NTHL1: variants seen among roughly 807,000 people sequenced by gnomAD.
NTHL1 encodes endonuclease III-like protein 1.
NTHL1 carries 32 observed loss-of-function variants against 32.3 expected under a neutral mutation model. The ratio of observed to expected loss-of-function variants is 0.99; its 90% CI spans 0.75 to 1.33. NTHL1 has a LOEUF of 1.33. Among genes scored for constraint, NTHL1 ranks in the 40% most tolerant of loss-of-function variants. The pLI is 0.00. For missense variants in NTHL1, 501 were observed against 414.1 expected, an observed-to-expected ratio of 1.21 and a Z score of -1.82; for synonymous variants, 188 against 176.9, an observed-to-expected ratio of 1.06 and a Z score of -0.50.
At position 2,047,813 on chromosome 16, in the gene NTHL1, A is replaced by G. The variant is rs1413587495; in HGVS notation, c.11T>C (p.Leu4Ser). 1 of 1,593,608 alleles carries G rather than the reference A, an allele frequency of 6.3e-7. No homozygotes were observed. Among genetic ancestry groups the G allele is most frequent in the Non-Finnish European group, 8.5e-7 (1 of 1,175,220 alleles). MTALSARMLTRSRS... is the reference protein window; with the variant it reads MTASSARMLTRSRS... The stretch of plus-strand genomic sequence containing the variant: ...GCTCCGGGTCAGCATCCTCGCGCTC[A>G]AGGCGGTCATGCCGGACTCCTGCGG... The change falls in exon 1 of 6, where the codon TTG (leucine) becomes TCG (serine). Residue 4 changes from leucine to serine, a missense_variant. Physicochemically the swap from Leu to Ser is moderately radical, Grantham distance 145. Coordinates refer to ENST00000651570, the MANE Select transcript of NTHL1 (RefSeq NM_002528.7).
Position 2,047,756 on chromosome 16 carries a change from C to T in NTHL1, c.68G>A (p.Gly23Glu), listed in dbSNP as rs749963973. Residue 23 changes from glycine (G) to glutamate (E), a missense_variant, in exon 1 of 6, where the codon GGG becomes GAG. Transcript: ENST00000651570. ...GAGAGGCCCGGGCTCCTCCCTACAC[C>T]CCCGCGGCCCAGCCCCGGGTCCCAG... ...RSLGPGAGPR[G>E]CREEPGPLRR... 1.3e-6 allele frequency: 2 copies of T among 1,586,446 alleles called. No homozygotes were observed. The highest frequency in any genetic ancestry group is 1.7e-6 in the Non-Finnish European group (2 of 1,172,192).
intron 2 of NTHL1, 87 bp downstream of exon 2, chr16:2,046,041 G>A (rs2084354497): frequency 1.9e-6 from 2 of 1,062,632 alleles, no homozygotes; most frequent in Admixed American, 1.8e-5. Context: ...TGCAGGGGAG[G>A]GTGCCAGCCA....
intron 4 of NTHL1, among the ~76,000 whole-genome samples, chr16:2,042,391 G>A (rs1276074631): frequency 6.6e-6 from 1 of 152,196 alleles, no homozygotes; most frequent in East Asian, 1.9e-4. Context: ...ACCTGGCCTG[G>A]CTCTGGCTCT....
rs773364076 is a variant in NTHL1, at chr16:2,046,330, C to A, written c.152G>T (p.Arg51Leu). ...GGCCACACGCAGTCTCTGTGCTTTC[C>A]GCGGACGCTTCACGGGGCTGTGGCT... ...RKSHSPVKRP[R>L]KAQRLRVAYE... The change falls in exon 2 of 6, where the codon CGG becomes CTG. Residue 51 changes from arginine to leucine, a missense_variant. Coordinates refer to ENST00000651570, the MANE Select transcript of NTHL1 (RefSeq NM_002528.7). The A allele has an allele frequency of 6.8e-6, 11 of 1,610,540 alleles. No homozygotes were observed. The highest frequency in any genetic ancestry group is 6.8e-6 in the Non-Finnish European group (8 of 1,178,020).
chr16:2,040,295 C>T, intron 4 of NTHL1, 57 bp from the exon 5 acceptor site: 2 of 1,518,104 alleles, frequency 1.3e-6, no homozygotes, highest in South Asian at 2.2e-5. Context: ...TAGCCCGTGC[C>T]CCTCCCCGCC....
chr16:2,043,306 C>G lies in NTHL1; in HGVS notation c.685+261G>C, dbSNP rs75973744. Among the ~76,000 whole-genome samples, 386 of 152,224 alleles carry G rather than the reference C, an allele frequency of 2.5e-3. 1 individual carries two copies. Among genetic ancestry groups the G allele is most frequent in the African/African-American group, 9.0e-3 (372 of 41,558 alleles). ...GGGGAATTCCTCGCTCCACATTTCT[C>G]CCGAATACAACGCAGATGGAGTCCA... On this transcript the variant is annotated intron_variant, in intron 4 of 5. Coordinates refer to ENST00000651570, the MANE Select transcript of NTHL1 (RefSeq NM_002528.7). The surrounding 1 kb of genome is among the most constrained non-coding windows in gnomAD (Gnocchi z 4.4).
chr16:2,040,086 G>C (rs201822289), intron 5 of NTHL1, 39 bp from the exon 6 acceptor site: 2 of 1,612,250 alleles, frequency 1.2e-6, no homozygotes, highest in South Asian at 1.1e-5. Context: ...GACAGAGGGC[G>C]GGCGGGGTGA....
At chr16:2,041,546 G>A (rs2084268674) in intron 4 of NTHL1, among the ~76,000 whole-genome samples, 1 of 151,708 alleles carries the variant, frequency 6.6e-6, no homozygotes, top group Non-Finnish European at 1.5e-5. Context: ...GGTTTCAAGC[G>A]ATTCTCCTGC....
At position 2,039,983 on chromosome 16, in the gene NTHL1, G is replaced by A. The variant is rs1169243576; in HGVS notation, c.856C>T (p.His286Tyr). ...TTGAGGCAGGCGTGGCAGCGAGGGTGCACAGGCAGACAGGTCTGCTGGCCG... is the reference window on the plus strand; with the variant it reads ...TTGAGGCAGGCGTGGCAGCGAGGGTACACAGGCAGACAGGTCTGCTGGCCG... ...GFGQQTCLPV[H>Y]PRCHACLNQA... The change falls in exon 6 of 6, where the codon CAC becomes TAC. Residue 286 changes from histidine to tyrosine, a missense_variant. Transcript: ENST00000651570. The A allele has an allele frequency of 6.2e-7, 1 of 1,610,038 alleles. No homozygotes were observed. The highest frequency in any genetic ancestry group is 8.5e-7 in the Non-Finnish European group (1 of 1,179,960).
Position 2,044,030 on chromosome 16 carries a change from G to A in NTHL1, c.526-304C>T, listed in dbSNP as rs2084306295. Reference sequence around the variant, plus strand: ...AGGCCAAGCAGGCCAGCCGCTCCCAGGAGTGGGGCTTGGCTGCACCTGCGC... The same window carrying A: ...AGGCCAAGCAGGCCAGCCGCTCCCAAGAGTGGGGCTTGGCTGCACCTGCGC... On this transcript the variant is annotated intron_variant, in intron 3 of 5. Transcript: ENST00000651570. This position sits in a 1 kb window ranked among gnomAD's most constrained non-coding sequence, Gnocchi z 5.0. 1 of 461,888 alleles carries A rather than the reference G, an allele frequency of 2.2e-6. No individual in the cohort carries two copies. The highest frequency in any genetic ancestry group is 3.5e-5 in the Admixed American group (1 of 28,696). 28.6% of individuals were successfully genotyped at this position (461,888 alleles called of 1,614,324 possible).
At position 2,043,400 on chromosome 16, in the gene NTHL1, C is replaced by T. The variant is rs2084295907; in HGVS notation, c.685+167G>A. Reference sequence around the variant, plus strand: ...GCCCATGTGACCTCCTGCCCCAGCACCTGTCTCTGAGTGGGGCTGGCCTGG... The same window carrying T: ...GCCCATGTGACCTCCTGCCCCAGCATCTGTCTCTGAGTGGGGCTGGCCTGG... On this transcript the variant is annotated intron_variant, in intron 4 of 5. Coordinates refer to ENST00000651570, the MANE Select transcript of NTHL1 (RefSeq NM_002528.7). The surrounding 1 kb of genome is among the most constrained non-coding windows in gnomAD (Gnocchi z 4.4). 2 of 898,210 alleles carry T rather than the reference C, an allele frequency of 2.2e-6. No homozygotes were observed. The highest frequency in any genetic ancestry group is 5.3e-5 in the East Asian group (2 of 37,664). 55.6% of individuals were successfully genotyped at this position (898,210 alleles called of 1,614,324 possible).
chr16:2,041,829 T>G (rs1449131225), intron 4 of NTHL1, among the ~76,000 whole-genome samples: 3 of 152,012 alleles, frequency 2.0e-5, no homozygotes, highest in Non-Finnish European at 2.9e-5. Flanking sequence ...TGGATGGTCT[T>G]GATCTCCTGA....
intron 1 of NTHL1, 118 bp downstream of exon 1, chr16:2,047,591 G>C: frequency 1.4e-5 from 20 of 1,421,114 alleles, no homozygotes; most frequent in Non-Finnish European, 1.8e-5. Context: ...AACCGTTCGC[G>C]GCTGCCGGGT....
rs546909056 is a variant in NTHL1 at position 2,044,323 on chromosome 16, G to A, written c.525+307C>T. Among the ~76,000 whole-genome samples, 4 of 152,308 alleles carry A rather than the reference G, an allele frequency of 2.6e-5. No homozygotes were observed. The highest frequency in any genetic ancestry group is 6.5e-5 in the Admixed American group (1 of 15,296). ...TCTGGACAGGAGGGGGTGACACACC[G>A]GGAGAGGCTAGCAGTAAACAAAGGG... On this transcript the variant is annotated intron_variant, in intron 3 of 5. Transcript: ENST00000651570. This position sits in a 1 kb window ranked among gnomAD's most constrained non-coding sequence, Gnocchi z 5.0.
chr16:2,040,623 G>A (rs1387230081), intron 4 of NTHL1, among the ~76,000 whole-genome samples: 1 of 152,190 alleles, frequency 6.6e-6, no homozygotes. Flanking sequence ...AGCTCGCTTG[G>A]ACAAACGCTT....
chr16:2,044,819 G>C lies in NTHL1; in HGVS notation c.355-19C>G. On this transcript the variant is annotated intron_variant, in intron 2 of 5. Coordinates refer to ENST00000651570, the MANE Select transcript of NTHL1 (RefSeq NM_002528.7). The surrounding 1 kb of genome is among the most constrained non-coding windows in gnomAD (Gnocchi z 5.0). ...TGCGTACCTGCTTGTGCAGTGACAGGGACCGGGGTGGCGGCGGGTCCTGGG... is the reference window on the plus strand; with the variant it reads ...TGCGTACCTGCTTGTGCAGTGACAGCGACCGGGGTGGCGGCGGGTCCTGGG... The C allele has an allele frequency of 6.3e-7, 1 of 1,578,096 alleles. No individual in the cohort carries two copies. Among genetic ancestry groups the C allele is most frequent in the Non-Finnish European group, 8.6e-7 (1 of 1,160,042 alleles).
At chr16:2,041,632 G>C (rs2084269868) in intron 4 of NTHL1, among the ~76,000 whole-genome samples, 1 of 149,136 alleles carries the variant, frequency 6.7e-6, no homozygotes, top group South Asian at 2.1e-4. Flanking sequence ...TGGTGAGACG[G>C]AGTCACGCTT....
intron 1 of NTHL1, chr16:2,047,332 G>A (rs1485327626): frequency 3.4e-6 from 1 of 296,536 alleles, no homozygotes; most frequent in Non-Finnish European, 6.4e-6. Flanking sequence ...CCGAGCTGGG[G>A]GAGCAGGCTT....
Position 2,039,975 on chromosome 16 carries a change from G to T in NTHL1, c.864C>A (p.Arg288=). 1.2e-6 allele frequency: 2 copies of T among 1,609,112 alleles called. No individual in the cohort carries two copies. Among genetic ancestry groups the T allele is most frequent in the Non-Finnish European group, 1.7e-6 (2 of 1,179,946 alleles). Residue 288 remains arginine, a synonymous_variant, in exon 6 of 6, where the codon CGC becomes CGA. Transcript: ENST00000651570. Reference sequence around the variant, plus strand: ...GGGCTTGGTTGAGGCAGGCGTGGCAGCGAGGGTGCACAGGCAGACAGGTCT... The same window carrying T: ...GGGCTTGGTTGAGGCAGGCGTGGCATCGAGGGTGCACAGGCAGACAGGTCT... ...GQQTCLPVHP[R]CHACLNQALC... is the part of the protein sequence containing the mutation.
Sources: gnomAD v4.1 joint callset for allele counts (sites outside exome capture counted in the v4.1 genomes callset) on GRCh38, gnomAD v4.1.1 for gene constraint, Gnocchi (gnomAD v3.1) non-coding constraint, MANE v1.5 for transcripts, NCBI Gene and HGNC (gene_info 2026-07-23, HGNC 2026-07-21) for gene names.